The following SUCLG1 variants were observed in gnomAD, a reference collection of about 807,000 sequenced individuals.
SUCLG1 encodes the protein succinate-CoA ligase GDP/ADP-forming subunit alpha, also known as succinate--CoA ligase [ADP/GDP-forming] subunit alpha, mitochondrial.
In SUCLG1, 26 loss-of-function variants were observed where a neutral mutation model predicts 37.3. The ratio of observed to expected loss-of-function variants is 0.70; its 90% CI spans 0.51 to 0.97. The LOEUF (loss-of-function observed/expected upper bound fraction) is 0.97, where lower values mean the gene tolerates loss of function less well. Ranked by LOEUF, SUCLG1 falls within the 50% of genes least tolerant of loss-of-function variation. The pLI is 0.00. For missense variants in SUCLG1, 433 were observed against 432.9 expected (o/e 1.00, Z 0.00); for synonymous variants, 163 against 155.6 (o/e 1.05, Z -0.36).
In SUCLG1 at chr2:84,443,383, C is replaced by A; in HGVS notation, c.219G>T (p.Gln73His). The A allele has an allele frequency of 6.2e-7, 1 of 1,614,106 alleles. No homozygotes were observed. Among genetic ancestry groups the A allele is most frequent in the Non-Finnish European group, 8.5e-7 (1 of 1,179,968 alleles). ...GTTTGGTGCCATATTCCAATGCCTGCTGGCTGTGAAAGGTGCCCTGAGGGG... is the reference window on the plus strand; with the variant it reads ...GTTTGGTGCCATATTCCAATGCCTGATGGCTGTGAAAGGTGCCCTGAGGGG... The part of the protein sequence containing the change: ...FTGKQGTFHS[Q>H]QALEYGTKLV... The change falls in exon 3 of 9, where the codon CAG (glutamine) becomes CAT (histidine). Residue 73 changes from glutamine (Q) to histidine (H), a missense_variant. Gln to His is a conservative substitution (Grantham distance 24). Transcript: ENST00000393868.
chr2:84,452,743 G>A (rs17025067), intron 1 of SUCLG1, among the ~76,000 whole-genome samples: 4 of 152,138 alleles, frequency 2.6e-5, no homozygotes, highest in African/African-American at 9.7e-5. Flanking sequence ...TAAACTCCAT[G>A]AGTGTCAGGA....
intron 5 of SUCLG1, among the ~76,000 whole-genome samples, chr2:84,438,148 T>A (rs1672715779): frequency 6.6e-6 from 1 of 152,246 alleles, no homozygotes; most frequent in Admixed American, 6.5e-5. Context: ...ACTGTATCAA[T>A]GTCAATATCC....
intron 1 of SUCLG1, among the ~76,000 whole-genome samples, chr2:84,451,957 C>A (rs542191250): frequency 6.6e-6 from 1 of 152,136 alleles, no homozygotes; most frequent in Non-Finnish European, 1.5e-5. Flanking sequence ...CACATTCCAT[C>A]CTGACAATAA....
intron 5 of SUCLG1, among the ~76,000 whole-genome samples, chr2:84,438,572 T>C (rs73942656): frequency 0.011 from 1,691 of 152,290 alleles, 28 homozygotes; most frequent in African/African-American, 0.039. Flanking sequence ...ACTCTCAACC[T>C]AAGGATCTGA....
intron 5 of SUCLG1, among the ~76,000 whole-genome samples, chr2:84,439,360 C>T (rs1377683830): frequency 6.6e-6 from 1 of 152,112 alleles, no homozygotes; most frequent in Non-Finnish European, 1.5e-5. Context: ...GAGCAGTGAT[C>T]AGAAAGGCAA....
chr2:84,459,211 C>A lies in SUCLG1; in HGVS notation c.59G>T (p.Gly20Val). The A allele has an allele frequency of 1.3e-6, 2 of 1,550,172 alleles. No individual in the cohort carries two copies. The highest frequency in any genetic ancestry group is 8.7e-7 in the Non-Finnish European group (1 of 1,146,702). Reference protein sequence around the residue: ...DIATMVSGSSGLAAARLLSRS... With the variant: ...DIATMVSGSSVLAAARLLSRS... ...CGACAGGAGACGGGCGGCGGCGAGG[C>A]CGCTGCTGCCGGAGACCATGGTAGC... The change falls in exon 1 of 9, where the codon GGC becomes GTC. Residue 20 changes from glycine to valine, a missense_variant. Physicochemically the swap from Gly to Val is moderately radical, Grantham distance 109 (BLOSUM62 -3). Transcript: ENST00000393868.
At position 84,433,377 on chromosome 2, in the gene SUCLG1, A is replaced by C. The variant is rs764232183; in HGVS notation, c.648T>G (p.Val216=). ...CAACGCACAAAGACTGCCCCAATCC[A>C]ACTTGCGTTGTTTGGTGAACTGCTT... The part of the protein sequence containing the change: ...TYEAVHQTTQ[V]GLGQSLCVGI... Residue 216 remains valine, a synonymous_variant, in exon 6 of 9, where the codon GTT becomes GTG. Coordinates refer to ENST00000393868, the MANE Select transcript of SUCLG1 (RefSeq NM_003849.4). 2 of 1,613,990 alleles carry C rather than the reference A, an allele frequency of 1.2e-6. No individual in the cohort carries two copies. Among genetic ancestry groups the C allele is most frequent in the East Asian group, 4.5e-5 (2 of 44,868 alleles).
chr2:84,442,525 A>C (rs1672789813), intron 3 of SUCLG1, among the ~76,000 whole-genome samples: 1 of 152,212 alleles, frequency 6.6e-6, no homozygotes, highest in African/African-American at 2.4e-5. Context: ...ATGAAAGACT[A>C]CACACTGAGC....
At chr2:84,435,426 G>A (rs557394963) in intron 5 of SUCLG1, among the ~76,000 whole-genome samples, 2 of 152,188 alleles carry the variant, frequency 1.3e-5, no homozygotes, top group South Asian at 2.1e-4. Context: ...TAGAAACAAC[G>A]TCATTCATTG....
chr2:84,451,554 C>T (rs1474381077), intron 1 of SUCLG1, among the ~76,000 whole-genome samples: 1 of 152,304 alleles, frequency 6.6e-6, no homozygotes, highest in South Asian at 2.1e-4. Flanking sequence ...AACAGACCAA[C>T]GAAGATCTCT....
intron 1 of SUCLG1, among the ~76,000 whole-genome samples, chr2:84,452,820 A>G (rs1268303131): frequency 6.6e-6 from 1 of 152,166 alleles, no homozygotes. Context: ...GGTCTATGGG[A>G]AACATTTCAC....
At chr2:84,425,353 G>A in intron 8 of SUCLG1, 62 bp downstream of exon 8, 3 of 1,594,046 alleles carry the variant, frequency 1.9e-6, no homozygotes, top group East Asian at 2.2e-5. Context: ...CAGGTATCCA[G>A]TGTGGCCACA....
At position 84,433,347 on chromosome 2, in the gene SUCLG1, CT is replaced by C; in HGVS notation, c.673+4del. On this transcript the variant is annotated splice_donor_region_variant and intron_variant, in intron 6 of 8. Transcript: ENST00000393868. ...AATAAAATGATTTTAGCAAAAGTCC[CT>C]CACCAACGCACAAAGACTGCCCCAA... 6.2e-7 allele frequency: 1 copy of C among 1,613,574 alleles called. No individual in the cohort carries two copies. Among genetic ancestry groups the C allele is most frequent in the Non-Finnish European group, 8.5e-7 (1 of 1,179,578 alleles).
intron 7 of SUCLG1, 45 bp downstream of exon 7, chr2:84,431,463 T>C: frequency 6.2e-7 from 1 of 1,610,000 alleles, no homozygotes; most frequent in Non-Finnish European, 8.5e-7. Context: ...AACAAGCCTC[T>C]GATATTAAGA....
In SUCLG1 at chr2:84,425,515, G is replaced by A. The variant is rs775678774; in HGVS notation, c.914C>T (p.Ala305Val). 1.2e-6 allele frequency: 2 copies of A among 1,614,180 alleles called. No individual in the cohort carries two copies. The highest frequency in any genetic ancestry group is 1.1e-5 in the South Asian group (1 of 91,084). Residue 305 changes from alanine (A) to valine (V), a missense_variant, in exon 8 of 9, where the codon GCT (alanine) becomes GTT (valine). Transcript: ENST00000393868. Reference protein sequence around the residue: ...RRMGHAGAIIAGGKGGAKEKI... With the variant: ...RRMGHAGAIIVGGKGGAKEKI... ...CTCTTTAGCTCCACCTTTTCCTCCA[G>A]CAATAATTGCCCCGGCATGACCCAT...
rs1027372991 is a variant in SUCLG1 at position 84,443,268 on chromosome 2, A to C, written c.318+16T>G. The C allele has an allele frequency of 1.2e-6, 2 of 1,604,932 alleles. No individual in the cohort carries two copies. Among genetic ancestry groups the C allele is most frequent in the Non-Finnish European group, 1.7e-6 (2 of 1,171,586 alleles). On this transcript the variant is annotated intron_variant, in intron 3 of 8. Coordinates refer to ENST00000393868, the MANE Select transcript of SUCLG1 (RefSeq NM_003849.4). ...TTGCTTTTCTTGTCTTGCCAAACTC[A>C]GGTACCACTAATTACCTCCTTCACA...
Position 84,449,685 on chromosome 2 carries a change from A to T in SUCLG1, c.165T>A (p.Asn55Lys). The part of the protein sequence containing the change: ...ASRQHLYVDK[N>K]TKIICQGFTG... ...TGAAACCCTGGCAAATAATCTTTGTATTTTTATCAACATAGAGATGTTGCC... is the reference window on the plus strand; with the variant it reads ...TGAAACCCTGGCAAATAATCTTTGTTTTTTTATCAACATAGAGATGTTGCC... The change falls in exon 2 of 9, where the codon AAT becomes AAA. Residue 55 changes from asparagine (N) to lysine (K), a missense_variant. Transcript: ENST00000393868. 1 of 1,582,432 alleles carries T rather than the reference A, an allele frequency of 6.3e-7. No homozygotes were observed.
intron 1 of SUCLG1, among the ~76,000 whole-genome samples, chr2:84,457,048 C>G (rs1441974797): frequency 1.3e-5 from 2 of 152,146 alleles, no homozygotes; most frequent in African/African-American, 4.8e-5. Flanking sequence ...GCTGTTAACT[C>G]TAATCAATAT....
chr2:84,443,208 T>C, intron 3 of SUCLG1, 76 bp downstream of exon 3: 2 of 1,308,980 alleles, frequency 1.5e-6, no homozygotes, highest in Non-Finnish European at 2.2e-6. Flanking sequence ...AAAAACATAA[T>C]TAAGATCTCT....
Sources: gnomAD v4.1 joint callset for allele counts (sites outside exome capture counted in the v4.1 genomes callset) on GRCh38, gnomAD v4.1.1 for gene constraint, MANE v1.5 for transcripts, NCBI Gene and HGNC (gene_info 2026-07-23, HGNC 2026-07-21) for gene names.